Variants in CNGB1 observed in about 807,000 individuals in gnomAD.
CNGB1 encodes the protein cyclic nucleotide-gated channel beta-1.
A neutral mutation model predicts 151.7 loss-of-function variants in CNGB1; 126 were observed. The observed-to-expected ratio is 0.83, with a 90% confidence interval of 0.72 to 0.96. The LOEUF (loss-of-function observed/expected upper bound fraction) is 0.96, where lower values mean the gene tolerates loss of function less well. Ranked by LOEUF, CNGB1 falls within the 40% of genes least tolerant of loss-of-function variation. The pLI, the probability that CNGB1 is intolerant of heterozygous loss-of-function variation, is 0.00. For synonymous variants in CNGB1, 623 were observed against 635.1 expected (o/e 0.98, Z 0.29); for missense variants, 1,698 against 1,627.0 (o/e 1.04, Z -0.75).
At chr16:57,886,059 T>C (rs1959920231) in intron 32 of CNGB1, among the ~76,000 whole-genome samples, 1 of 152,158 alleles carries the variant, frequency 6.6e-6, no homozygotes, top group Admixed American at 6.6e-5. Flanking sequence ...TCCAAGGTAA[T>C]CCTGCCTGAT....
intron 23 of CNGB1, among the ~76,000 whole-genome samples, chr16:57,913,341 A>G (rs1960784133): frequency 1.3e-5 from 2 of 152,206 alleles, no homozygotes; most frequent in African/African-American, 4.8e-5. Flanking sequence ...TGTTTCTTAT[A>G]AAGAAAACAA....
chr16:57,923,215 C>CCCAA, intron 18 of CNGB1, 58 bp downstream of exon 18: 2 of 1,308,280 alleles, frequency 1.5e-6, no homozygotes, highest in Non-Finnish European at 2.2e-6. Flanking sequence ...CTAGCCCCCC[C>CCCAA]ACATCCCCCA....
In CNGB1 at chr16:57,950,551, C is replaced by T; in HGVS notation, c.875-11G>A. On this transcript the variant is annotated splice_polypyrimidine_tract_variant and intron_variant, in intron 12 of 32. Coordinates refer to ENST00000251102, the MANE Select transcript of CNGB1 (RefSeq NM_001297.5). ...CAGGAAGGATGCTGACTGCAGGGAA[C>T]ACAGGAAGAGCCATTTATGGGATGT... is the stretch of plus-strand genomic sequence containing the variant. 1 of 1,613,966 alleles carries T rather than the reference C, an allele frequency of 6.2e-7. No homozygotes were observed.
At chr16:57,910,739 A>G (rs1322141047) in intron 25 of CNGB1, among the ~76,000 whole-genome samples, 2 of 117,374 alleles carry the variant, frequency 1.7e-5, no homozygotes, top group Non-Finnish European at 3.3e-5. Flanking sequence ...CCTGGAAGCC[A>G]CTCCTCCCTT....
At chr16:57,906,516 G>A (rs1383696661) in intron 25 of CNGB1, among the ~76,000 whole-genome samples, 2 of 152,174 alleles carry the variant, frequency 1.3e-5, no homozygotes, top group African/African-American at 2.4e-5. Context: ...TGATAGCTGC[G>A]GGGCCTTGGG....
chr16:57,884,064 C>T lies in CNGB1; in HGVS notation c.*100G>A. 6.4e-7 allele frequency: 1 copy of T among 1,561,882 alleles called. No homozygotes were observed. Among genetic ancestry groups the T allele is most frequent in the African/African-American group, 1.4e-5 (1 of 74,064 alleles). Reference sequence around the variant, plus strand: ...TCACGACTACGGAAAAGCATCTTCTCTTGAGCCGTGGGGGAAGGTGGGGCG... The same window carrying T: ...TCACGACTACGGAAAAGCATCTTCTTTTGAGCCGTGGGGGAAGGTGGGGCG... On this transcript the variant is annotated 3_prime_UTR_variant, in exon 33 of 33. Transcript: ENST00000251102.
rs1311822348 is a variant in CNGB1, at chr16:57,917,118, C to A, written c.2166+150G>T. 6 of 724,974 alleles carry A rather than the reference C, an allele frequency of 8.3e-6. No individual in the cohort carries two copies. In the East Asian group the frequency reaches 1.6e-4, roughly 20 times the overall value. The allele number at this position is 724,974 out of a possible 1,614,324, so 44.9% of individuals were successfully genotyped here. On this transcript the variant is annotated intron_variant, in intron 21 of 32. Coordinates refer to ENST00000251102, the MANE Select transcript of CNGB1 (RefSeq NM_001297.5). ...TATCAAAGGCATGCAAAATAAACAA[C>A]CATGCTATTGAACAAGCACAGCAGC...
At chr16:57,924,993 T>G (rs1209311062) in intron 17 of CNGB1, among the ~76,000 whole-genome samples, 3 of 152,096 alleles carry the variant, frequency 2.0e-5, no homozygotes, top group African/African-American at 7.2e-5. Context: ...TTTCTTTATT[T>G]TTTAGTATTT....
At chr16:57,938,776 C>A (rs1415136511) in intron 16 of CNGB1, among the ~76,000 whole-genome samples, 1 of 152,170 alleles carries the variant, frequency 6.6e-6, no homozygotes, top group African/African-American at 2.4e-5. Flanking sequence ...ACCTGCCGGC[C>A]AGGGGTTGGG....
intron 32 of CNGB1, among the ~76,000 whole-genome samples, chr16:57,886,922 T>C (rs967582366): frequency 6.6e-6 from 1 of 152,188 alleles, no homozygotes; most frequent in Non-Finnish European, 1.5e-5. Context: ...TCACCCAGGC[T>C]GGAGTGCAAT....
At chr16:57,905,801 C>T (rs1048070956) in intron 25 of CNGB1, among the ~76,000 whole-genome samples, 2 of 152,382 alleles carry the variant, frequency 1.3e-5, no homozygotes, top group Non-Finnish European at 2.9e-5. Context: ...GCCTTCAAGA[C>T]ATTGTCTTGG....
chr16:57,959,243 G>A (rs1165915978), intron 10 of CNGB1, among the ~76,000 whole-genome samples: 1 of 151,874 alleles, frequency 6.6e-6, no homozygotes, highest in African/African-American at 2.4e-5. Flanking sequence ...TAATGCAGCT[G>A]TTCAAGAAAG....
Position 57,923,384 on chromosome 16 carries a change from C to T in CNGB1, c.1536-4G>A. On this transcript the variant is annotated splice_polypyrimidine_tract_variant and splice_region_variant and intron_variant, in intron 17 of 32. Coordinates refer to ENST00000251102, the MANE Select transcript of CNGB1 (RefSeq NM_001297.5). Reference sequence around the variant, plus strand: ...ATCCTCAGAGGGCAGCTTCTTCCTGCAAAGACACAGATGTGGAAGGGGCCT... The same window carrying T: ...ATCCTCAGAGGGCAGCTTCTTCCTGTAAAGACACAGATGTGGAAGGGGCCT... 1 of 1,611,690 alleles carries T rather than the reference C, an allele frequency of 6.2e-7. No individual in the cohort carries two copies. The highest frequency in any genetic ancestry group is 8.5e-7 in the Non-Finnish European group (1 of 1,178,710).
Position 57,888,161 on chromosome 16 carries a change from C to T in CNGB1, c.3243-87G>A, listed in dbSNP as rs1325170066. The T allele has an allele frequency of 2.9e-6, 4 of 1,386,582 alleles. No individual in the cohort carries two copies. In the African/African-American group the frequency reaches 4.3e-5, roughly 15 times the overall value. 85.9% of individuals were successfully genotyped at this position (1,386,582 alleles called of 1,614,324 possible). ...TTCTGCAGCCTCCTTTAAGCTGGAG[C>T]TGTGTAGTGGTGGTGATTTTGGCTG... On this transcript the variant is annotated intron_variant, in intron 31 of 32. Coordinates refer to ENST00000251102, the MANE Select transcript of CNGB1 (RefSeq NM_001297.5).
chr16:57,901,503 A>G (rs1271127990), intron 28 of CNGB1, 25 bp downstream of exon 28: 1 of 1,612,970 alleles, frequency 6.2e-7, no homozygotes, highest in Non-Finnish European at 8.5e-7. Context: ...CACAGCCCTG[A>G]GCGTGAGGGC....
intron 4 of CNGB1, 104 bp downstream of exon 4, chr16:57,964,026 G>A (rs996112415): frequency 2.9e-6 from 3 of 1,045,088 alleles, no homozygotes; most frequent in African/African-American, 3.1e-5. Context: ...TGACAGCAGA[G>A]CTAAGGGCAG....
Position 57,964,685 on chromosome 16 carries a change from C to A in CNGB1, c.160-141G>T, listed in dbSNP as rs41252. The A allele has an allele frequency of 3.4e-6, 3 of 884,432 alleles. No individual in the cohort carries two copies. The African/African-American group carries it at 4.9e-5, about 15-fold the overall frequency. 54.8% of individuals were successfully genotyped at this position (884,432 alleles called of 1,614,324 possible). A position where few individuals can be genotyped will look rare whatever the true frequency, so the allele number is the denominator to read the frequency against. On this transcript the variant is annotated intron_variant, in intron 2 of 32. Coordinates refer to ENST00000251102, the MANE Select transcript of CNGB1 (RefSeq NM_001297.5). ...TTCCTCAGGATCATCTCTGTAAATCCTGTTGGCCTTACCTTCCACCTGGGA... is the reference window on the plus strand; with the variant it reads ...TTCCTCAGGATCATCTCTGTAAATCATGTTGGCCTTACCTTCCACCTGGGA...
chr16:57,917,479 G>T lies in CNGB1; in HGVS notation c.1958-3C>A. On this transcript the variant is annotated splice_region_variant and splice_polypyrimidine_tract_variant and intron_variant, in intron 20 of 32. Coordinates refer to ENST00000251102, the MANE Select transcript of CNGB1 (RefSeq NM_001297.5). ...CAGCCATAGGACATACATCAGGTCTGTGGGGAAGGTTGACGGGGACGCTAG... is the reference window on the plus strand; with the variant it reads ...CAGCCATAGGACATACATCAGGTCTTTGGGGAAGGTTGACGGGGACGCTAG... 1 of 1,613,946 alleles carries T rather than the reference G, an allele frequency of 6.2e-7. No individual in the cohort carries two copies. The highest frequency in any genetic ancestry group is 1.1e-5 in the South Asian group (1 of 91,070).
chr16:57,955,356 G>C (rs1962057823), intron 12 of CNGB1: 1 of 1,551,708 alleles, frequency 6.4e-7, no homozygotes, highest in Admixed American at 2.0e-5. Flanking sequence ...GAGACCTCCA[G>C]CTCCCATCAC....
Sources: gnomAD v4.1 joint callset for allele counts (sites outside exome capture counted in the v4.1 genomes callset) on GRCh38, gnomAD v4.1.1 for gene constraint, MANE v1.5 for transcripts, NCBI Gene and HGNC (gene_info 2026-07-23, HGNC 2026-07-21) for gene names.